Variants in PCDH15 observed in about 807,000 individuals in gnomAD.
PCDH15 encodes the protein protocadherin related 15.
In PCDH15, 129 loss-of-function variants were observed where a neutral mutation model predicts 178.5. The ratio of observed to expected loss-of-function variants is 0.72; its 90% CI spans 0.63 to 0.84. The LOEUF (loss-of-function observed/expected upper bound fraction) is 0.84. PCDH15 is among the 40% of genes least tolerant of loss of function. The pLI, the probability that PCDH15 is intolerant of heterozygous loss-of-function variation, is 0.00. For synonymous variants in PCDH15, 800 were observed against 732.0 expected, an observed-to-expected ratio of 1.09 and a Z score of -1.50; for missense variants, 2,230 against 2,099.9, an observed-to-expected ratio of 1.06 and a Z score of -1.21.
At chr10:54,378,998 C>T in intron 3 of PCDH15, 56 bp from the exon 4 acceptor site, 2 of 1,597,006 alleles carry the variant, frequency 1.3e-6, no homozygotes, top group Non-Finnish European at 1.7e-6. Flanking sequence ...AATTCTTTAG[C>T]AAAGATCATG....
intron 21 of PCDH15, among the ~76,000 whole-genome samples, chr10:53,981,535 C>T (rs952644478): frequency 2.3e-4 from 35 of 152,030 alleles, no homozygotes; most frequent in Non-Finnish European, 4.0e-4. Flanking sequence ...ACTATCTGAT[C>T]TTTGACAAAC....
chr10:54,028,861 C>T (rs939665173), intron 18 of PCDH15, among the ~76,000 whole-genome samples: 5 of 149,476 alleles, frequency 3.3e-5, no homozygotes, highest in Non-Finnish European at 5.9e-5. Flanking sequence ...GTGGGTGCAG[C>T]GCACCAGCAT....
At chr10:54,804,100 C>T (rs1036808997), upstream of PCDH15, among the ~76,000 whole-genome samples, 43 of 151,922 alleles carry the variant, frequency 2.8e-4, no homozygotes, top group Admixed American at 2.5e-3. Flanking sequence ...AGTGCAGCGG[C>T]GCTGTCTGGG....
intron 1 of PCDH15, among the ~76,000 whole-genome samples, chr10:55,190,488 G>A (rs1750747979): frequency 6.6e-6 from 1 of 151,666 alleles, no homozygotes; most frequent in South Asian, 2.1e-4. Flanking sequence ...ACATATTCAG[G>A]AGAACATTAG....
At chr10:54,529,405 A>G (rs890772530) in intron 2 of PCDH15, among the ~76,000 whole-genome samples, 3 of 152,044 alleles carry the variant, frequency 2.0e-5, no homozygotes, top group Non-Finnish European at 4.4e-5. Context: ...TCCTGCATTC[A>G]TCTATTCCTT....
At chr10:53,877,932 C>T (rs1397714345) in intron 26 of PCDH15, among the ~76,000 whole-genome samples, 1 of 152,054 alleles carries the variant, frequency 6.6e-6, no homozygotes, top group Non-Finnish European at 1.5e-5. Flanking sequence ...TTAAAAATTA[C>T]TGATAGCTCC....
intron 2 of PCDH15, among the ~76,000 whole-genome samples, chr10:55,596,570 A>G (rs1029466114): frequency 2.0e-5 from 3 of 152,286 alleles, no homozygotes; most frequent in Admixed American, 1.3e-4. Flanking sequence ...AAAATATAAT[A>G]AAAGATAGAA....
chr10:55,089,957 G>T (rs1842273255), intron 2 of PCDH15, among the ~76,000 whole-genome samples: 2 of 152,016 alleles, frequency 1.3e-5, no homozygotes, highest in African/African-American at 2.4e-5. Flanking sequence ...CCAGTGTGTG[G>T]GGGGAGGTAT....
intron 8 of PCDH15, among the ~76,000 whole-genome samples, chr10:54,306,437 C>G (rs2060474824): frequency 6.6e-6 from 1 of 151,946 alleles, no homozygotes; most frequent in Non-Finnish European, 1.5e-5. Flanking sequence ...TAGGACAGGC[C>G]AGCAGGCTGG....
intron 2 of PCDH15, among the ~76,000 whole-genome samples, chr10:55,438,202 TACACACAC>T (rs71463103): frequency 2.0e-5 from 3 of 149,556 alleles, no homozygotes; most frequent in South Asian, 2.1e-4. Flanking sequence ...GAACATGTTA[TACACACAC>T]ACACACACAC....
At chr10:54,310,813 A>T (rs1422021824) in intron 8 of PCDH15, among the ~76,000 whole-genome samples, 2 of 152,044 alleles carry the variant, frequency 1.3e-5, no homozygotes, top group Non-Finnish European at 2.9e-5. Flanking sequence ...CATAATTTTA[A>T]AATAAATTTC....
At chr10:54,676,109 G>A (rs2094784176) in intron 1 of PCDH15, among the ~76,000 whole-genome samples, 1 of 152,032 alleles carries the variant, frequency 6.6e-6, no homozygotes, top group Admixed American at 6.6e-5. Context: ...TTCTCACAGA[G>A]AGTATGGAGA....
intron 5 of PCDH15, among the ~76,000 whole-genome samples, chr10:54,358,531 G>A (rs915374294): frequency 1.3e-5 from 2 of 152,092 alleles, no homozygotes; most frequent in African/African-American, 4.8e-5. Flanking sequence ...GAGAGGATGT[G>A]GAGAAATAGG....
intron 2 of PCDH15, among the ~76,000 whole-genome samples, chr10:55,537,867 G>T (rs2132071228): frequency 6.6e-6 from 1 of 152,256 alleles, no homozygotes; most frequent in South Asian, 2.1e-4. Context: ...CAGATGTGAA[G>T]ATATCACATA....
intron 1 of PCDH15, among the ~76,000 whole-genome samples, chr10:54,685,754 C>T (rs1157310580): frequency 6.6e-6 from 1 of 152,162 alleles, no homozygotes; most frequent in Non-Finnish European, 1.5e-5. Context: ...GCTCAGAACA[C>T]TTGCATTAGC....
At chr10:53,847,828 C>T (rs1177479976) in intron 28 of PCDH15, among the ~76,000 whole-genome samples, 1 of 151,998 alleles carries the variant, frequency 6.6e-6, no homozygotes, top group Non-Finnish European at 1.5e-5. Flanking sequence ...TTTTTCTACA[C>T]TCATTTTTAA....
chr10:54,763,531 G>T lies in PCDH15; in HGVS notation c.-29+37394C>A, dbSNP rs72796523. 5.3e-3 allele frequency among the ~76,000 whole-genome samples: 812 copies of T among 152,074 alleles called. 5 individuals carry two copies. The highest frequency in any genetic ancestry group is 9.2e-3 in the Non-Finnish European group (624 of 67,978). On this transcript the variant is annotated intron_variant, in intron 1 of 37. Coordinates refer to ENST00000644397, the MANE Select transcript of PCDH15 (RefSeq NM_001384140.1). ...ACATACAGTTAGGTAGAAGAAATAAGTTCTAGAGTTCAATAGCACACTCTA... is the reference window on the plus strand; with the variant it reads ...ACATACAGTTAGGTAGAAGAAATAATTTCTAGAGTTCAATAGCACACTCTA...
intron 10 of PCDH15, among the ~76,000 whole-genome samples, chr10:54,200,208 T>C (rs1301371374): frequency 6.7e-6 from 1 of 150,326 alleles, no homozygotes; most frequent in Non-Finnish European, 1.5e-5. Flanking sequence ...AAATAAATTC[T>C]AGGATAGAAG....
rs1239875380 is a variant in PCDH15 at position 55,425,678 on chromosome 10, A to T, written c.-156+201947T>A. ...TTTTCACACACACACACACAAAAAA[A>T]AACAGTGTTACTCATTAAAACTTCT... On this transcript the variant is annotated intron_variant, in intron 2 of 5. Transcript: ENST00000613346. Among the ~76,000 whole-genome samples, 6 of 152,248 alleles carry T rather than the reference A, an allele frequency of 3.9e-5. No individual in the cohort carries two copies. The East Asian group carries it at 1.2e-3, about 29-fold the overall frequency.
Sources: gnomAD v4.1 joint callset for allele counts (sites outside exome capture counted in the v4.1 genomes callset) on GRCh38, gnomAD v4.1.1 for gene constraint, MANE v1.5 for transcripts, NCBI Gene and HGNC (gene_info 2026-07-23, HGNC 2026-07-21) for gene names.